The following ST8SIA6 variants were observed in gnomAD, a reference collection of about 807,000 sequenced individuals.
ST8SIA6 encodes the protein alpha-2,8-sialyltransferase 8F.
ST8SIA6 carries 39 observed loss-of-function variants against 33.6 expected under a neutral mutation model. The observed-to-expected ratio is 1.16, with a 90% CI of 0.90 to 1.52. ST8SIA6 has a LOEUF of 1.52. Among genes scored for constraint, ST8SIA6 ranks in the 40% most tolerant of loss-of-function variants. The pLI is 0.00. For synonymous variants in ST8SIA6, 172 were observed against 167.2 expected (o/e 1.03, Z -0.22); for missense variants, 441 against 443.8 (o/e 0.99, Z 0.06).
chr10:17,354,331 G>A (rs1204846399), intron 4 of ST8SIA6, among the ~76,000 whole-genome samples: 1 of 152,146 alleles, frequency 6.6e-6, no homozygotes, highest in East Asian at 1.9e-4. Context: ...GGGAGAGACT[G>A]TGAAGAGCAA....
intron 6 of ST8SIA6, 72 bp from the exon 7 acceptor site, chr10:17,323,229 G>A (rs866541242): frequency 2.2e-4 from 176 of 794,114 alleles, no homozygotes; most frequent in Non-Finnish European, 2.6e-4. Context: ...ACATATGCGC[G>A]CACACACACA....
At chr10:17,405,016 C>T (rs893882050) in intron 2 of ST8SIA6, among the ~76,000 whole-genome samples, 4 of 152,216 alleles carry the variant, frequency 2.6e-5, no homozygotes, top group African/African-American at 4.8e-5. Flanking sequence ...AAAAGTAGTT[C>T]TGCCTCCATT....
chr10:17,316,180 T>TGG lies in ST8SIA6; in HGVS notation c.*4696_*4697dup, dbSNP rs1399698674. On this transcript the variant is annotated 3_prime_UTR_variant, in exon 8 of 8. Coordinates refer to ENST00000377602, the MANE Select transcript of ST8SIA6 (RefSeq NM_001004470.3). ...CCCACTCCGATTACCCTCTTCTTAATGGGTACCCTTCTTGTATTTGACACG... is the reference window on the plus strand; with the variant it reads ...CCCACTCCGATTACCCTCTTCTTAATGGGGGTACCCTTCTTGTATTTGACACG... 1.3e-5 allele frequency among the ~76,000 whole-genome samples: 2 copies of TGG among 152,096 alleles called. No homozygotes were observed. The highest frequency in any genetic ancestry group is 4.8e-5 in the African/African-American group (2 of 41,462).
chr10:17,359,592 T>G lies in ST8SIA6; in HGVS notation c.299A>C (p.Glu100Ala), dbSNP rs756316058. Residue 100 changes from glutamate (E) to alanine (A), a missense_variant, in exon 4 of 8, where the codon GAG (glutamate) becomes GCG (alanine). By Grantham distance (107) the Glu-to-Ala change is moderately radical. Coordinates refer to ENST00000377602, the MANE Select transcript of ST8SIA6 (RefSeq NM_001004470.3). ...SFSNKTKGYSENDYLQIITDI... is the reference protein window; with the variant it reads ...SFSNKTKGYSANDYLQIITDI... ...TGTGATAATCTGAAGGTAGTCGTTC[T>G]CTGAATACCTAAAAATTAAATGTCA... is the stretch of plus-strand genomic sequence containing the variant. 6.3e-7 allele frequency: 1 copy of G among 1,594,372 alleles called. No individual in the cohort carries two copies. The highest frequency in any genetic ancestry group is 1.2e-5 in the South Asian group (1 of 86,790).
chr10:17,344,946 A>G (rs1036409730), intron 4 of ST8SIA6, among the ~76,000 whole-genome samples: 1 of 152,294 alleles, frequency 6.6e-6, no homozygotes, highest in East Asian at 1.9e-4. Flanking sequence ...GAATGGATAA[A>G]CAAATCAAGC....
At chr10:17,348,165 T>G (rs900557027) in intron 4 of ST8SIA6, among the ~76,000 whole-genome samples, 1 of 150,954 alleles carries the variant, frequency 6.6e-6, no homozygotes, top group Admixed American at 6.6e-5. Flanking sequence ...GTTGACGGAT[T>G]ATAAACTTTT....
At chr10:17,445,400 TTA>T (rs1852669774) in intron 2 of ST8SIA6, among the ~76,000 whole-genome samples, 2 of 152,174 alleles carry the variant, frequency 1.3e-5, no homozygotes, top group South Asian at 4.1e-4. Context: ...GGAAGAGATA[TTA>T]TTAACAAAAG....
Position 17,317,319 on chromosome 10 carries a change from A to G in ST8SIA6, c.*3559T>C, listed in dbSNP as rs1329295101. Among the ~76,000 whole-genome samples, 2 of 152,138 alleles carry G rather than the reference A, an allele frequency of 1.3e-5. No homozygotes were observed. Among genetic ancestry groups the G allele is most frequent in the Non-Finnish European group, 1.5e-5 (1 of 68,020 alleles). ...CAAAATAAGAAAGACCATGAGAAAT[A>G]TTCTTGCCTTTCCACTCTCAGGAGG... On this transcript the variant is annotated 3_prime_UTR_variant, in exon 8 of 8. Coordinates refer to ENST00000377602, the MANE Select transcript of ST8SIA6 (RefSeq NM_001004470.3).
intron 3 of ST8SIA6, among the ~76,000 whole-genome samples, chr10:17,375,951 A>G (rs1467047844): frequency 1.3e-5 from 2 of 152,194 alleles, no homozygotes; most frequent in Non-Finnish European, 2.9e-5. Flanking sequence ...TTTAATACAT[A>G]CGTGGCAGAG....
intron 4 of ST8SIA6, among the ~76,000 whole-genome samples, chr10:17,354,904 G>T (rs981693668): frequency 6.6e-6 from 1 of 152,190 alleles, no homozygotes; most frequent in African/African-American, 2.4e-5. Flanking sequence ...TTCAGATTAA[G>T]AATCTTCCTA....
At chr10:17,440,762 C>G (rs1852455654) in intron 2 of ST8SIA6, among the ~76,000 whole-genome samples, 1 of 152,024 alleles carries the variant, frequency 6.6e-6, no homozygotes, top group Admixed American at 6.6e-5. Context: ...GGGAGGAAGC[C>G]TTCTCCATGT....
intron 2 of ST8SIA6, among the ~76,000 whole-genome samples, chr10:17,426,362 A>G (rs1352230140): frequency 2.0e-5 from 3 of 152,188 alleles, no homozygotes; most frequent in Non-Finnish European, 4.4e-5. Context: ...AAGGAAATGC[A>G]TGTCATAAAA....
chr10:17,449,954 T>C (rs940206128), intron 2 of ST8SIA6, among the ~76,000 whole-genome samples: 2 of 152,146 alleles, frequency 1.3e-5, no homozygotes, highest in Non-Finnish European at 2.9e-5. Context: ...CAGCACTCCA[T>C]CCTGAGATAA....
intron 4 of ST8SIA6, among the ~76,000 whole-genome samples, chr10:17,342,880 C>T (rs1232088779): frequency 2.0e-5 from 3 of 152,080 alleles, no homozygotes; most frequent in Admixed American, 2.0e-4. Context: ...ACCCAGGAGA[C>T]GGAGGCTGCA....
In ST8SIA6 at chr10:17,454,019, C is replaced by G. The variant is rs542990763; in HGVS notation, c.101+136G>C. 6 of 260,604 alleles carry G rather than the reference C, an allele frequency of 2.3e-5. No individual in the cohort carries two copies. Among genetic ancestry groups the G allele is most frequent in the African/African-American group, 1.3e-4 (6 of 44,646 alleles). The allele number at this position is 260,604 out of a possible 1,614,324, so 16.1% of individuals were successfully genotyped here. ...CCCCTCCCCCACTCCACTCTCAGGC[C>G]GTCGCCGCCCGTGGGCTGCTCCCCG... On this transcript the variant is annotated intron_variant, in intron 1 of 7. Coordinates refer to ENST00000377602, the MANE Select transcript of ST8SIA6 (RefSeq NM_001004470.3). The surrounding 1 kb of genome is among the most constrained non-coding windows in gnomAD (Gnocchi z 4.1).
intron 3 of ST8SIA6, among the ~76,000 whole-genome samples, chr10:17,379,110 G>C (rs1850027770): frequency 6.8e-6 from 1 of 147,402 alleles, no homozygotes; most frequent in Non-Finnish European, 1.5e-5. Context: ...TGGGTGACAA[G>C]AGTGAGACTC....
At chr10:17,432,712 G>A (rs986095127) in intron 2 of ST8SIA6, among the ~76,000 whole-genome samples, 6 of 152,164 alleles carry the variant, frequency 3.9e-5, no homozygotes, top group African/African-American at 1.2e-4. Context: ...TGAGGACTCC[G>A]TACTTCTATA....
intron 4 of ST8SIA6, among the ~76,000 whole-genome samples, chr10:17,346,863 A>G (rs535110016): frequency 6.6e-6 from 1 of 152,134 alleles, no homozygotes; most frequent in Non-Finnish European, 1.5e-5. Flanking sequence ...CTTTGTATCT[A>G]TGTATTTATG....
chr10:17,437,648 TC>T (rs879260825), intron 2 of ST8SIA6, among the ~76,000 whole-genome samples: 2,365 of 141,428 alleles, frequency 0.017, 90 homozygotes, highest in Admixed American at 0.071. Context: ...CTTCCTTCCT[TC>T]CTTCCTTCCT....
Sources: allele counts gnomAD v4.1 joint callset (sites outside exome capture counted in the v4.1 genomes callset), GRCh38; gene constraint gnomAD v4.1.1; non-coding constraint Gnocchi (gnomAD v3.1); transcripts MANE v1.5; gene names NCBI Gene and HGNC (gene_info 2026-07-23, HGNC 2026-07-21).